The following HGSNAT variants were observed in gnomAD, a reference collection of about 807,000 sequenced individuals.
HGSNAT encodes the protein heparan-alpha-glucosaminide N-acetyltransferase, also known as transmembrane protein 76.
In HGSNAT, 59 loss-of-function variants were observed where a neutral mutation model predicts 85.2. The observed-to-expected ratio is 0.69, with a 90% CI of 0.56 to 0.86. The LOEUF (loss-of-function observed/expected upper bound fraction) is 0.86. Among genes scored for constraint, HGSNAT ranks in the 40% least tolerant of loss-of-function variants. The pLI is 0.00. For synonymous variants in HGSNAT, 321 were observed against 304.5 expected, an observed-to-expected ratio of 1.05 and a Z score of -0.56; for missense variants, 756 against 777.1, an observed-to-expected ratio of 0.97 and a Z score of 0.32.
chr8:43,141,269 C>T (rs1211448880), intron 1 of HGSNAT, among the ~76,000 whole-genome samples: 2 of 152,038 alleles, frequency 1.3e-5, no homozygotes, highest in African/African-American at 4.8e-5. Context: ...GGCGCGTTTT[C>T]CCTCCAGGGT....
intron 8 of HGSNAT, among the ~76,000 whole-genome samples, chr8:43,172,977 G>A (rs1803680105): frequency 6.6e-6 from 1 of 152,190 alleles, no homozygotes; most frequent in East Asian, 1.9e-4. Context: ...TCAAGGAAGA[G>A]TTTGTGAGTT....
rs116638558 is a variant in HGSNAT, at chr8:43,171,053, A to G, written c.743+359A>G. On this transcript the variant is annotated intron_variant, in intron 7 of 17. Transcript: ENST00000379644. ...GGCTCAGAAGATGCACTAGTCTAGC[A>G]AGGAAACACCAGCATGTGGCAGAGG... 4.4e-3 allele frequency among the ~76,000 whole-genome samples: 668 copies of G among 152,254 alleles called. 8 individuals carry two copies. The highest frequency in any genetic ancestry group is 0.015 in the African/African-American group (640 of 41,558).
chr8:43,198,676 A>G (rs1271052262), intron 17 of HGSNAT, among the ~76,000 whole-genome samples: 2 of 152,168 alleles, frequency 1.3e-5, no homozygotes, highest in African/African-American at 2.4e-5. Context: ...GCAAGAGGTG[A>G]TATCAAGGGA....
chr8:43,188,773 T>G (rs1412642126), intron 11 of HGSNAT, among the ~76,000 whole-genome samples: 1 of 152,208 alleles, frequency 6.6e-6, no homozygotes, highest in East Asian at 1.9e-4. Flanking sequence ...TCTCCCCATC[T>G]TTGTGGTTTT....
chr8:43,152,993 T>G (rs982772873), intron 2 of HGSNAT, among the ~76,000 whole-genome samples: 2 of 151,766 alleles, frequency 1.3e-5, no homozygotes, highest in African/African-American at 4.8e-5. Context: ...CTGAGTATTG[T>G]GGGTTATTGT....
intron 5 of HGSNAT, among the ~76,000 whole-genome samples, chr8:43,165,441 G>T (rs61468554): frequency 6.6e-6 from 1 of 152,118 alleles, no homozygotes; most frequent in African/African-American, 2.4e-5. Context: ...TTATCCTACA[G>T]TGGCTTCTAA....
intron 6 of HGSNAT, 62 bp from the exon 7 acceptor site, chr8:43,170,523 G>A (rs1803588734): frequency 1.6e-6 from 2 of 1,288,860 alleles, no homozygotes; most frequent in Non-Finnish European, 1.1e-6. Flanking sequence ...ATCAAAAAAT[G>A]ACAAAATGAA....
At chr8:43,183,190 A>G (rs1804190511) in intron 11 of HGSNAT, among the ~76,000 whole-genome samples, 1 of 152,210 alleles carries the variant, frequency 6.6e-6, no homozygotes, top group Admixed American at 6.5e-5. Context: ...TCTTGGAGAC[A>G]GGGTCTCACT....
intron 10 of HGSNAT, chr8:43,180,404 C>G: frequency 9.6e-6 from 1 of 104,192 alleles, no homozygotes. Context: ...GAGACGCTCC[C>G]CACCTCCCAG....
chr8:43,196,147 G>C (rs1468143235), intron 14 of HGSNAT: 7 of 294,996 alleles, frequency 2.4e-5, no homozygotes, highest in Non-Finnish European at 4.6e-5. Flanking sequence ...GCGTGTGGCT[G>C]ACTCCCTCTT....
intron 1 of HGSNAT, among the ~76,000 whole-genome samples, chr8:43,144,123 C>T (rs184896317): frequency 7.1e-4 from 107 of 151,768 alleles, no homozygotes; most frequent in Non-Finnish European, 1.4e-3. Context: ...AAGTTGAGAC[C>T]AGCCTAGGTA....
intron 9 of HGSNAT, among the ~76,000 whole-genome samples, chr8:43,177,504 G>A (rs1303665526): frequency 1.4e-5 from 2 of 142,072 alleles, no homozygotes; most frequent in Non-Finnish European, 3.0e-5. Flanking sequence ...CTTGCAGTGA[G>A]CCGAGATCGT....
At chr8:43,179,127 C>T (rs1345016487) in intron 10 of HGSNAT, among the ~76,000 whole-genome samples, 9 of 147,250 alleles carry the variant, frequency 6.1e-5, no homozygotes, top group Non-Finnish European at 1.1e-4. Flanking sequence ...AGCCGCTGGG[C>T]ACACCTCCCA....
At chr8:43,162,922 A>T (rs1485554164) in intron 5 of HGSNAT, among the ~76,000 whole-genome samples, 2 of 152,128 alleles carry the variant, frequency 1.3e-5, no homozygotes, top group African/African-American at 4.8e-5. Flanking sequence ...ACGGTGGCTC[A>T]CGCCTCTAAT....
intron 2 of HGSNAT, among the ~76,000 whole-genome samples, chr8:43,147,342 A>G (rs1161623066): frequency 1.3e-5 from 2 of 152,210 alleles, no homozygotes; most frequent in East Asian, 3.9e-4. Context: ...TCTCTAGTGC[A>G]TAACCCTCTT....
chr8:43,189,335 G>A (rs571688018), intron 11 of HGSNAT, among the ~76,000 whole-genome samples: 19 of 152,236 alleles, frequency 1.2e-4, no homozygotes, highest in South Asian at 6.2e-4. Flanking sequence ...CAGCAATGGC[G>A]GATGCCCTTC....
chr8:43,164,516 A>C (rs1803369087), intron 5 of HGSNAT, among the ~76,000 whole-genome samples: 1 of 152,148 alleles, frequency 6.6e-6, no homozygotes, highest in African/African-American at 2.4e-5. Context: ...ACCATGGCTC[A>C]CACCTGTAAT....
chr8:43,196,561 C>T (rs1418066023), intron 14 of HGSNAT: 4 of 1,259,754 alleles, frequency 3.2e-6, no homozygotes, highest in African/African-American at 1.5e-5. Flanking sequence ...TCCTCCTTTC[C>T]CCATGACCTG....
At chr8:43,193,614 A>T (rs185096513) in intron 13 of HGSNAT, 143 bp from the exon 14 acceptor site, 2 of 589,824 alleles carry the variant, frequency 3.4e-6, no homozygotes, top group African/African-American at 3.7e-5. Context: ...TGTTATCCCT[A>T]TAAGTTGGCA....
Sources: allele counts gnomAD v4.1 joint callset (sites outside exome capture counted in the v4.1 genomes callset), GRCh38; gene constraint gnomAD v4.1.1; transcripts MANE v1.5; gene names NCBI Gene and HGNC (gene_info 2026-07-23, HGNC 2026-07-21).